Variants in CCDC170 observed in about 807,000 individuals in gnomAD.
CCDC170 encodes coiled-coil domain containing 170, also known as coiled-coil domain-containing protein 170.
A neutral mutation model predicts 72.6 loss-of-function variants in CCDC170; 69 were observed. The observed-to-expected ratio is 0.95, with a 90% CI of 0.78 to 1.16. The LOEUF (loss-of-function observed/expected upper bound fraction) is 1.16. CCDC170 is among the 50% of genes most tolerant of loss of function. CCDC170 has a pLI of 0.00. For missense variants in CCDC170, 852 were observed against 832.5 expected, an observed-to-expected ratio of 1.02 and a Z score of -0.29; for synonymous variants, 300 against 303.9, an observed-to-expected ratio of 0.99 and a Z score of 0.13.
intron 1 of CCDC170, among the ~76,000 whole-genome samples, chr6:151,503,658 G>A (rs1459981588): frequency 2.0e-5 from 3 of 152,070 alleles, no homozygotes; most frequent in Non-Finnish European, 4.4e-5. Flanking sequence ...TCACCATGTC[G>A]TCCAGGCTGG....
chr6:151,586,845 C>T lies in CCDC170; in HGVS notation c.1293+756C>T, dbSNP rs141195407. ...TGTTGCCCAGGCTGGAGTGCAGTGG[C>T]GTGATCTCGACTCACTGCAACCTCT... On this transcript the variant is annotated intron_variant, in intron 7 of 10. Transcript: ENST00000239374. Among the ~76,000 whole-genome samples the T allele has an allele frequency of 7.4e-3, 1,129 of 152,020 alleles. 12 individuals are homozygous for T. Among genetic ancestry groups the T allele is most frequent in the African/African-American group, 0.025 (1,057 of 41,468 alleles).
chr6:151,573,093 T>C (rs920463755), intron 5 of CCDC170, 81 bp from the exon 6 acceptor site: 19 of 1,297,956 alleles, frequency 1.5e-5, no homozygotes, highest in East Asian at 9.3e-5. Flanking sequence ...GCAGGCAAAG[T>C]CAATGAATTT....
At chr6:151,570,054 C>A (rs1201234218) in intron 5 of CCDC170, among the ~76,000 whole-genome samples, 1 of 152,138 alleles carries the variant, frequency 6.6e-6, no homozygotes, top group African/African-American at 2.4e-5. Flanking sequence ...TGGCCCTTTT[C>A]TTGAAGTCAG....
At chr6:151,507,821 T>G (rs890472639) in intron 1 of CCDC170, among the ~76,000 whole-genome samples, 3 of 151,548 alleles carry the variant, frequency 2.0e-5, no homozygotes, top group African/African-American at 7.3e-5. Context: ...CTCGGGAGGC[T>G]GAGGCAGGAG....
intron 5 of CCDC170, among the ~76,000 whole-genome samples, chr6:151,552,310 G>T (rs1309301768): frequency 1.6e-5 from 1 of 62,424 alleles, no homozygotes; most frequent in Non-Finnish European, 3.0e-5. Flanking sequence ...TGGCGTAAGG[G>T]TACATTTTTT....
rs569968451 is a variant in CCDC170, at chr6:151,518,013, G to T, written c.58-18305G>T. Among the ~76,000 whole-genome samples the T allele has an allele frequency of 4.6e-5, 7 of 151,854 alleles. No homozygotes were observed. The South Asian group carries it at 1.5e-3, about 32-fold the overall frequency. ...ATTAAAGGAATTCTCAAAAATCCAG[G>T]CCTTTTGCAAACAGTAAAGATTATA... On this transcript the variant is annotated intron_variant, in intron 1 of 10. Coordinates refer to ENST00000239374, the MANE Select transcript of CCDC170 (RefSeq NM_025059.4).
intron 1 of CCDC170, among the ~76,000 whole-genome samples, chr6:151,499,446 C>T (rs866314168): frequency 6.5e-5 from 9 of 139,236 alleles, no homozygotes; most frequent in Non-Finnish European, 7.7e-5. Flanking sequence ...TTTGACTATT[C>T]TAGGCACGCT....
chr6:151,525,730 C>T (rs1294457175), intron 1 of CCDC170, among the ~76,000 whole-genome samples: 3 of 152,166 alleles, frequency 2.0e-5, no homozygotes, highest in East Asian at 3.9e-4. Flanking sequence ...TCACACAAAG[C>T]CTGTTGGGTG....
intron 9 of CCDC170, among the ~76,000 whole-genome samples, chr6:151,599,736 T>A (rs1776676340): frequency 6.6e-6 from 1 of 152,126 alleles, no homozygotes; most frequent in Non-Finnish European, 1.5e-5. Flanking sequence ...TGAAGGAGTG[T>A]CCACTATACT....
chr6:151,556,346 T>G (rs890756921), intron 5 of CCDC170, among the ~76,000 whole-genome samples: 1 of 152,226 alleles, frequency 6.6e-6, no homozygotes, highest in East Asian at 1.9e-4. Flanking sequence ...ATCCCAGCTA[T>G]TGGGAGGCTG....
At chr6:151,605,506 C>T (rs1776769472) in intron 9 of CCDC170, among the ~76,000 whole-genome samples, 1 of 152,158 alleles carries the variant, frequency 6.6e-6, no homozygotes, top group African/African-American at 2.4e-5. Context: ...CTCTGGCTGT[C>T]CTCTGATATA....
At chr6:151,542,874 A>G (rs1782712426) in intron 3 of CCDC170, among the ~76,000 whole-genome samples, 1 of 152,216 alleles carries the variant, frequency 6.6e-6, no homozygotes. Flanking sequence ...GGTCCAAAAG[A>G]CTGAAGAGTT....
chr6:151,588,928 C>T (rs980177592), intron 7 of CCDC170, among the ~76,000 whole-genome samples: 1 of 151,456 alleles, frequency 6.6e-6, no homozygotes, highest in Non-Finnish European at 1.5e-5. Flanking sequence ...AGAGTGAGAC[C>T]CCGTCTCAAA....
intron 1 of CCDC170, among the ~76,000 whole-genome samples, chr6:151,533,346 A>C (rs1205293990): frequency 6.6e-6 from 1 of 150,792 alleles, no homozygotes; most frequent in Non-Finnish European, 1.5e-5. Context: ...GAGCCGCCGC[A>C]CCTGGCCGAC....
chr6:151,548,001 G>A (rs1253319203), intron 4 of CCDC170, among the ~76,000 whole-genome samples: 1 of 152,204 alleles, frequency 6.6e-6, no homozygotes, highest in Non-Finnish European at 1.5e-5. Context: ...ATCGCCTACT[G>A]TAGCCTCTGT....
intron 1 of CCDC170, among the ~76,000 whole-genome samples, chr6:151,503,101 C>T (rs986530551): frequency 3.9e-5 from 6 of 152,006 alleles, no homozygotes; most frequent in Non-Finnish European, 8.8e-5. Context: ...TGCTTGAAAC[C>T]GGGAGGCAGA....
At chr6:151,523,415 GGT>G (rs1461116728) in intron 1 of CCDC170, among the ~76,000 whole-genome samples, 1 of 152,178 alleles carries the variant, frequency 6.6e-6, no homozygotes, top group Non-Finnish European at 1.5e-5. Context: ...AGCCAGGCAT[GGT>G]GGCTCACGCC....
chr6:151,499,786 T>C (rs1421590181), intron 1 of CCDC170, among the ~76,000 whole-genome samples: 1 of 152,232 alleles, frequency 6.6e-6, no homozygotes, highest in East Asian at 1.9e-4. Flanking sequence ...TTCCTTCCTT[T>C]TTAAGCTTGA....
chr6:151,580,794 C>T (rs896184895), intron 6 of CCDC170, among the ~76,000 whole-genome samples: 2 of 152,122 alleles, frequency 1.3e-5, no homozygotes, highest in Admixed American at 1.3e-4. Context: ...CTTCAATCTG[C>T]ATTGCAACAT....
Sources: gnomAD v4.1 joint callset for allele counts (sites outside exome capture counted in the v4.1 genomes callset) on GRCh38, gnomAD v4.1.1 for gene constraint, MANE v1.5 for transcripts, NCBI Gene and HGNC (gene_info 2026-07-23, HGNC 2026-07-21) for gene names.